GGNBP2: variants seen among roughly 807,000 people sequenced by gnomAD.
GGNBP2 encodes the protein gametogenetin-binding protein 2.
In GGNBP2, 10 loss-of-function variants were observed where a neutral mutation model predicts 85.9. The observed-to-expected ratio is 0.12, with a 90% CI of 0.07 to 0.20. The LOEUF (loss-of-function observed/expected upper bound fraction) is 0.20, where lower values mean the gene tolerates loss of function less well. Ranked by LOEUF, GGNBP2 falls within the 10% of genes least tolerant of loss-of-function variation. The probability of loss-of-function intolerance (pLI) is 1.00; values close to 1 mark genes in which losing one functional copy is unlikely to be tolerated. For missense variants in GGNBP2, 595 were observed against 857.8 expected (o/e 0.69, Z 3.83); for synonymous variants, 287 against 285.7 (o/e 1.00, Z -0.05).
intron 3 of GGNBP2, among the ~76,000 whole-genome samples, chr17:36,555,200 T>G (rs1485563116): frequency 6.6e-6 from 1 of 152,210 alleles, no homozygotes; most frequent in East Asian, 1.9e-4. Context: ...CATTAAAAAC[T>G]TGTTGGTTTT....
At chr17:36,585,672 C>A in intron 10 of GGNBP2, 168 bp from the exon 11 acceptor site, 1 of 631,590 alleles carries the variant, frequency 1.6e-6, no homozygotes, top group Non-Finnish European at 2.6e-6. Context: ...ATCATATTTT[C>A]ATTATTTAAT....
At chr17:36,579,107 A>G in intron 7 of GGNBP2, 138 bp from the exon 8 acceptor site, 1 of 668,028 alleles carries the variant, frequency 1.5e-6, no homozygotes, top group Middle Eastern at 4.0e-4. Context: ...GTATAGCAAC[A>G]TATACGTTGA....
intron 5 of GGNBP2, among the ~76,000 whole-genome samples, chr17:36,566,988 G>A (rs531564631): frequency 6.6e-6 from 1 of 151,984 alleles, no homozygotes; most frequent in South Asian, 2.1e-4. Context: ...CAACATAGTA[G>A]AGACCTTGTC....
In GGNBP2 at chr17:36,545,834, G is replaced by A. The variant is rs1285323333; in HGVS notation, c.93+17G>A. On this transcript the variant is annotated intron_variant, in intron 2 of 13. Coordinates refer to ENST00000613102, the MANE Select transcript of GGNBP2 (RefSeq NM_024835.5). ...ACCCTGACGGTGAGCGGGCCGGGCC[G>A]GGCTGGGCCCGCCGCTCCCCTGGCA... The A allele has an allele frequency of 1.3e-6, 2 of 1,511,982 alleles. No individual in the cohort carries two copies. The highest frequency in any genetic ancestry group is 1.2e-5 in the South Asian group (1 of 81,226). The allele number at this position is 1,511,982 out of a possible 1,614,324, so 93.7% of individuals were successfully genotyped here.
intron 6 of GGNBP2, among the ~76,000 whole-genome samples, chr17:36,575,797 C>G (rs1555607643): frequency 6.6e-6 from 1 of 150,452 alleles, no homozygotes; most frequent in Non-Finnish European, 1.5e-5. Context: ...CAGGTGTATG[C>G]CACCACATCT....
chr17:36,573,399 T>C (rs569077477), intron 6 of GGNBP2, among the ~76,000 whole-genome samples: 45 of 152,242 alleles, frequency 3.0e-4, no homozygotes, highest in African/African-American at 1.1e-3. Flanking sequence ...CGCACCTGGC[T>C]ATTCACATTT....
At chr17:36,560,632 A>G (rs573299500) in intron 4 of GGNBP2, 141 bp from the exon 5 acceptor site, 25 of 502,760 alleles carry the variant, frequency 5.0e-5, no homozygotes, top group Non-Finnish European at 8.6e-5. Context: ...TGCCAGGCAC[A>G]CTGCTAGATA....
intron 3 of GGNBP2, among the ~76,000 whole-genome samples, chr17:36,556,334 T>C (rs2142703514): frequency 6.6e-6 from 1 of 152,332 alleles, no homozygotes; most frequent in South Asian, 2.1e-4. Context: ...CTCCATATGA[T>C]TACCATCCTA....
At chr17:36,585,163 G>A (rs1268365731) in intron 9 of GGNBP2, 137 bp from the exon 10 acceptor site, 1 of 681,352 alleles carries the variant, frequency 1.5e-6, no homozygotes, top group African/African-American at 1.9e-5. Context: ...CATTACTTTT[G>A]TACTGTCAGT....
intron 6 of GGNBP2, among the ~76,000 whole-genome samples, chr17:36,568,636 A>G (rs1555606274): frequency 1.3e-5 from 2 of 152,150 alleles, no homozygotes; most frequent in Admixed American, 6.5e-5. Flanking sequence ...TTTTTACTTA[A>G]TATTTGAAGT....
intron 4 of GGNBP2, among the ~76,000 whole-genome samples, chr17:36,558,512 A>G (rs1223487792): frequency 6.7e-6 from 1 of 148,308 alleles, no homozygotes; most frequent in African/African-American, 2.5e-5. Context: ...CTGGAGTGCA[A>G]TGGCTCGATC....
rs376057009 is a variant in GGNBP2, at chr17:36,586,164, AG to A, written c.1608del (p.Lys537ArgfsTer6). On this transcript the variant is annotated frameshift_variant, in exon 12 of 14. Transcript: ENST00000613102. LOFTEE classifies it high-confidence loss of function. ...NDTKGKNKKK[K>X]KKSKILKCDE... is the part of the protein sequence containing the mutation. ...ACAAAAGGAAAAAATAAAAAGAAGA[AG>A]AAGAAAAGCAAGATACTGAAATGTG... 2 of 1,613,518 alleles carry A rather than the reference AG, an allele frequency of 1.2e-6. No homozygotes were observed. Among genetic ancestry groups the A allele is most frequent in the Non-Finnish European group, 1.7e-6 (2 of 1,179,738 alleles).
At chr17:36,548,808 G>T (rs533679305) in intron 2 of GGNBP2, among the ~76,000 whole-genome samples, 5 of 151,670 alleles carry the variant, frequency 3.3e-5, no homozygotes, top group Admixed American at 1.3e-4. Flanking sequence ...AGTGGGTGTG[G>T]TAGAGTGTGC....
intron 8 of GGNBP2, among the ~76,000 whole-genome samples, chr17:36,580,538 G>A (rs757699542): frequency 3.3e-5 from 5 of 151,128 alleles, no homozygotes; most frequent in Non-Finnish European, 7.4e-5. Flanking sequence ...TTGTATTTTT[G>A]TACCTTCAGA....
At chr17:36,563,006 C>G (rs1226854373) in intron 5 of GGNBP2, among the ~76,000 whole-genome samples, 1 of 144,022 alleles carries the variant, frequency 6.9e-6, no homozygotes, top group African/African-American at 2.6e-5. Context: ...TGGCTCACGC[C>G]TGTAATCCCA....
At chr17:36,582,483 T>C (rs2142779773) in intron 9 of GGNBP2, 1 of 152,244 alleles carries the variant, frequency 6.6e-6, no homozygotes, top group East Asian at 1.9e-4. Flanking sequence ...TGCAGGTTGA[T>C]TTTTTCCCCC....
intron 5 of GGNBP2, among the ~76,000 whole-genome samples, chr17:36,565,674 G>A (rs574432473): frequency 6.6e-6 from 1 of 152,278 alleles, no homozygotes; most frequent in South Asian, 2.1e-4. Flanking sequence ...GATGCAGGCA[G>A]ATCACGAGGT....
intron 13 of GGNBP2, 36 bp from the exon 14 acceptor site, chr17:36,589,172 T>G (rs774807813): frequency 6.1e-6 from 9 of 1,487,326 alleles, no homozygotes; most frequent in Non-Finnish European, 7.5e-6. Context: ...TTTTGCATTC[T>G]TAAGTCATAG....
intron 13 of GGNBP2, 111 bp from the exon 14 acceptor site, chr17:36,589,097 G>T: frequency 1.4e-6 from 1 of 719,006 alleles, no homozygotes; most frequent in South Asian, 1.7e-5. Flanking sequence ...GGCTTTATGT[G>T]ACTGATGTGA....
Sources: gnomAD v4.1 joint callset for allele counts (sites outside exome capture counted in the v4.1 genomes callset) on GRCh38, gnomAD v4.1.1 for gene constraint, MANE v1.5 for transcripts, NCBI Gene and HGNC (gene_info 2026-07-23, HGNC 2026-07-21) for gene names.